Variants in ARL15 observed in about 807,000 individuals in gnomAD.
The protein encoded by ARL15 is ADP-ribosylation factor-like protein 15.
A neutral mutation model predicts 25.2 loss-of-function variants in ARL15; 19 were observed. The observed-to-expected ratio is 0.75, with a 90% CI of 0.53 to 1.10. The LOEUF (loss-of-function observed/expected upper bound fraction) is 1.10, where lower values mean the gene tolerates loss of function less well. ARL15 is among the 50% of genes least tolerant of loss of function. The probability of loss-of-function intolerance (pLI) is 0.00; values close to 1 mark genes in which losing one functional copy is unlikely to be tolerated. For synonymous variants in ARL15, 94 were observed against 86.8 expected, an observed-to-expected ratio of 1.08 and a Z score of -0.46; for missense variants, 220 against 246.0, an observed-to-expected ratio of 0.89 and a Z score of 0.71.
chr5:54,155,937 G>T (rs1012222625), intron 2 of ARL15, among the ~76,000 whole-genome samples: 2 of 151,950 alleles, frequency 1.3e-5, no homozygotes, highest in Non-Finnish European at 2.9e-5. Flanking sequence ...TCTACTTAAG[G>T]TTTTTAAGCA....
chr5:54,149,846 A>G (rs1579849633), intron 3 of ARL15, among the ~76,000 whole-genome samples: 1 of 152,220 alleles, frequency 6.6e-6, no homozygotes, highest in East Asian at 1.9e-4. Context: ...TAAAACTAAA[A>G]GAGAAGGAAT....
At chr5:54,045,657 G>T (rs1157471033) in intron 4 of ARL15, among the ~76,000 whole-genome samples, 1 of 151,982 alleles carries the variant, frequency 6.6e-6, no homozygotes, top group Non-Finnish European at 1.5e-5. Flanking sequence ...TAATCTTTAG[G>T]TCATAGAGAG....
At chr5:54,073,051 AAAACTTAAAAT>A (rs1229060292) in intron 4 of ARL15, among the ~76,000 whole-genome samples, 3 of 152,226 alleles carry the variant, frequency 2.0e-5, no homozygotes, top group Non-Finnish European at 1.5e-5. Flanking sequence ...AGAAGTTGTT[AAAACTTAAAAT>A]AAGTTATCAA....
intron 1 of ARL15, among the ~76,000 whole-genome samples, chr5:54,218,710 A>G (rs1756287944): frequency 6.6e-6 from 1 of 152,180 alleles, no homozygotes; most frequent in Non-Finnish European, 1.5e-5. Flanking sequence ...CGGCAATGGC[A>G]TCACCAGCAG....
chr5:54,120,698 A>G (rs114754772), intron 3 of ARL15, among the ~76,000 whole-genome samples: 1 of 152,304 alleles, frequency 6.6e-6, no homozygotes, highest in Non-Finnish European at 1.5e-5. Context: ...GCATGACACA[A>G]AAAACAAAAC....
intron 1 of ARL15, among the ~76,000 whole-genome samples, chr5:54,234,336 T>A (rs189068214): frequency 0.025 from 3,824 of 151,642 alleles, 160 homozygotes; most frequent in African/African-American, 0.087. Flanking sequence ...AAAAAAAAAA[T>A]TTTAATTGCT....
chr5:54,171,721 CA>C (rs1434225118), intron 2 of ARL15, 62 bp downstream of exon 2: 2 of 1,523,878 alleles, frequency 1.3e-6, no homozygotes, highest in Admixed American at 2.0e-5. Flanking sequence ...ATAAATTGCA[CA>C]GGAAACTAGG....
intron 4 of ARL15, among the ~76,000 whole-genome samples, chr5:53,958,879 C>T (rs1168239641): frequency 1.3e-5 from 2 of 152,118 alleles, no homozygotes; most frequent in Non-Finnish European, 2.9e-5. Context: ...AACACATATG[C>T]ACCAAATATC....
chr5:54,053,794 G>C (rs1231010202), intron 4 of ARL15, among the ~76,000 whole-genome samples: 1 of 152,232 alleles, frequency 6.6e-6, no homozygotes, highest in African/African-American at 2.4e-5. Context: ...TCACAGCTAA[G>C]TGGGGCCTAA....
chr5:53,971,484 A>T (rs1747746235), intron 4 of ARL15, among the ~76,000 whole-genome samples: 1 of 152,198 alleles, frequency 6.6e-6, no homozygotes, highest in South Asian at 2.1e-4. Flanking sequence ...GAAGTGACCA[A>T]TGCTATCTCT....
chr5:54,018,151 G>T (rs1749484128), intron 4 of ARL15, among the ~76,000 whole-genome samples: 1 of 152,010 alleles, frequency 6.6e-6, no homozygotes, highest in South Asian at 2.1e-4. Flanking sequence ...CCTGTATTTT[G>T]GTTTACATAA....
At chr5:53,979,863 GTGTGTGTGTGTGTGTA>G (rs1191090293) in intron 4 of ARL15, among the ~76,000 whole-genome samples, 1 of 93,226 alleles carries the variant, frequency 1.1e-5, no homozygotes, top group Non-Finnish European at 2.5e-5. Context: ...GTGTGTGTGT[GTGTGTGTGTGTGTGTA>G]TGTTTCGTAG....
At chr5:54,037,979 T>C (rs1009076234) in intron 4 of ARL15, among the ~76,000 whole-genome samples, 13 of 152,112 alleles carry the variant, frequency 8.5e-5, no homozygotes, top group Non-Finnish European at 1.8e-4. Flanking sequence ...TTACATATCT[T>C]AGAAATAATT....
At chr5:54,038,570 T>A (rs1750239989) in intron 4 of ARL15, among the ~76,000 whole-genome samples, 1 of 152,100 alleles carries the variant, frequency 6.6e-6, no homozygotes. Flanking sequence ...AATTGAATAA[T>A]TGAACAGTGA....
At chr5:54,012,031 T>C (rs1295033317) in intron 4 of ARL15, among the ~76,000 whole-genome samples, 1 of 151,970 alleles carries the variant, frequency 6.6e-6, no homozygotes, top group African/African-American at 2.4e-5. Flanking sequence ...CATAAATGTT[T>C]AATAGACAAA....
intron 1 of ARL15, among the ~76,000 whole-genome samples, chr5:54,274,949 C>T (rs141159006): frequency 0.012 from 1,881 of 152,284 alleles, 42 homozygotes; most frequent in African/African-American, 0.043. Flanking sequence ...TAACCCCTCA[C>T]TTCTACCCAC....
chr5:54,146,883 T>C (rs542059220), intron 3 of ARL15, among the ~76,000 whole-genome samples: 48 of 152,284 alleles, frequency 3.2e-4, no homozygotes, highest in Admixed American at 1.6e-3. Flanking sequence ...TAAAATTTCC[T>C]AAGGCACTTC....
chr5:54,058,330 T>G (rs1316457738), intron 4 of ARL15, among the ~76,000 whole-genome samples: 1 of 152,090 alleles, frequency 6.6e-6, no homozygotes, highest in East Asian at 1.9e-4. Context: ...AAAAGATCCC[T>G]CACACTTCAT....
chr5:54,287,728 T>C (rs1231876513), intron 1 of ARL15, among the ~76,000 whole-genome samples: 1 of 152,142 alleles, frequency 6.6e-6, no homozygotes, highest in Non-Finnish European at 1.5e-5. Flanking sequence ...GGAATTTCCA[T>C]TTGTCAGGGA....
Sources: gnomAD v4.1 joint callset for allele counts (sites outside exome capture counted in the v4.1 genomes callset) on GRCh38, gnomAD v4.1.1 for gene constraint, MANE v1.5 for transcripts, NCBI Gene and HGNC (gene_info 2026-07-23, HGNC 2026-07-21) for gene names.